AGBL4: variants seen among roughly 807,000 people sequenced by gnomAD.
AGBL4 encodes the protein AGBL carboxypeptidase 4.
Under a neutral mutation model 66.4 loss-of-function variants are expected in AGBL4, and 58 were observed. The observed-to-expected ratio is 0.87, with a 90% CI of 0.71 to 1.09. The LOEUF is 1.09. AGBL4 is among the 50% of genes least tolerant of loss of function. The pLI, the probability that AGBL4 is intolerant of heterozygous loss-of-function variation, is 0.00. For synonymous variants in AGBL4, 234 were observed against 222.9 expected, an observed-to-expected ratio of 1.05 and a Z score of -0.44; for missense variants, 579 against 631.0, an observed-to-expected ratio of 0.92 and a Z score of 0.88.
chr1:49,432,791 G>GT (rs1645815505), intron 3 of AGBL4, among the ~76,000 whole-genome samples: 1 of 152,148 alleles, frequency 6.6e-6, no homozygotes, highest in Admixed American at 6.6e-5. Context: ...CTCAAAAGTT[G>GT]TAAGTGTCTT....
At chr1:49,063,443 T>C (rs1481523793) in intron 4 of AGBL4, among the ~76,000 whole-genome samples, 2 of 152,114 alleles carry the variant, frequency 1.3e-5, no homozygotes, top group African/African-American at 2.4e-5. Context: ...CTGAAGCCTA[T>C]AGAGATAAAT....
intron 5 of AGBL4, among the ~76,000 whole-genome samples, chr1:48,944,397 A>G (rs757844501): frequency 1.3e-5 from 2 of 152,194 alleles, no homozygotes; most frequent in African/African-American, 4.8e-5. Flanking sequence ...CGCAGGCATG[A>G]GCAGGGCAGT....
chr1:48,528,978 C>T (rs1643893011), downstream of AGBL4, among the ~76,000 whole-genome samples: 2 of 151,950 alleles, frequency 1.3e-5, no homozygotes, highest in Admixed American at 1.3e-4. Flanking sequence ...ACTGTCTTCC[C>T]ATTTGTTCAG....
At chr1:48,737,852 G>A (rs1396860081) in intron 6 of AGBL4, among the ~76,000 whole-genome samples, 1 of 152,132 alleles carries the variant, frequency 6.6e-6, no homozygotes, top group Non-Finnish European at 1.5e-5. Context: ...TCTGTGAAGG[G>A]ACGAAATGGC....
In AGBL4 at chr1:49,437,931, C is replaced by G. The variant is rs1023742878; in HGVS notation, c.283-192067G>C. On this transcript the variant is annotated intron_variant, in intron 3 of 13. Transcript: ENST00000371839. ...ATATTTACTTACTGTTTCCCATCCCCCATTTCTAAGAATGTTCACAATTGG... is the reference window on the plus strand; with the variant it reads ...ATATTTACTTACTGTTTCCCATCCCGCATTTCTAAGAATGTTCACAATTGG... Among the ~76,000 whole-genome samples the G allele has an allele frequency of 6.6e-4, 100 of 152,096 alleles. 1 individual carries two copies. The highest frequency in any genetic ancestry group is 2.3e-3 in the African/African-American group (97 of 41,412).
intron 3 of AGBL4, among the ~76,000 whole-genome samples, chr1:49,274,242 T>G (rs1459793289): frequency 6.6e-6 from 1 of 152,222 alleles, no homozygotes; most frequent in Non-Finnish European, 1.5e-5. Flanking sequence ...TTTCAAATTC[T>G]AAATTCAGTC....
At chr1:48,887,902 G>T (rs1483694008) in intron 5 of AGBL4, among the ~76,000 whole-genome samples, 2 of 152,144 alleles carry the variant, frequency 1.3e-5, no homozygotes, top group Non-Finnish European at 2.9e-5. Flanking sequence ...CCTGGCACAG[G>T]GTAGATGATC....
chr1:49,093,924 T>A (rs1645044623), intron 4 of AGBL4, among the ~76,000 whole-genome samples: 1 of 152,182 alleles, frequency 6.6e-6, no homozygotes, highest in African/African-American at 2.4e-5. Flanking sequence ...AGGATAGAGT[T>A]CATCTTTAAA....
At chr1:49,018,732 C>T (rs1663013712) in intron 5 of AGBL4, among the ~76,000 whole-genome samples, 1 of 152,114 alleles carries the variant, frequency 6.6e-6, no homozygotes, top group Admixed American at 6.5e-5. Flanking sequence ...CTCTCTTTTC[C>T]TCACCTACAA....
chr1:49,988,079 T>C (rs758508768), intron 1 of AGBL4, among the ~76,000 whole-genome samples: 11 of 152,190 alleles, frequency 7.2e-5, no homozygotes, highest in Non-Finnish European at 1.5e-4. Flanking sequence ...CTTTGCTATA[T>C]GCATATTTAG....
At chr1:48,836,683 G>A (rs1217754876) in intron 6 of AGBL4, among the ~76,000 whole-genome samples, 5 of 152,058 alleles carry the variant, frequency 3.3e-5, no homozygotes, top group Admixed American at 6.6e-5. Flanking sequence ...ATGATGATAC[G>A]TATAATAATT....
intron 1 of AGBL4, among the ~76,000 whole-genome samples, chr1:49,861,364 A>T (rs1469739261): frequency 4.6e-5 from 7 of 151,980 alleles, no homozygotes; most frequent in African/African-American, 1.7e-4. Flanking sequence ...GTTCCAAAAG[A>T]AACACTTCCT....
chr1:50,023,923 G>T lies in AGBL4; in HGVS notation c.-127C>A. The stretch of plus-strand genomic sequence containing the variant: ...GGCACGACGGTTGCCTGGGCAACGG[G>T]CGGCAGGCGCGCGGGTGGCCGGCGC... On this transcript the variant is annotated 5_prime_UTR_variant, in exon 1 of 14. Coordinates refer to ENST00000371839, the MANE Select transcript of AGBL4 (RefSeq NM_032785.4). The T allele has an allele frequency of 9.0e-7, 1 of 1,106,466 alleles. No individual in the cohort carries two copies. The allele number at this position is 1,106,466 out of a possible 1,614,324, so 68.5% of individuals were successfully genotyped here.
chr1:49,113,235 C>A (rs964318658), intron 4 of AGBL4, among the ~76,000 whole-genome samples: 2 of 152,048 alleles, frequency 1.3e-5, no homozygotes, highest in Non-Finnish European at 2.9e-5. Context: ...CAGGCATGAG[C>A]CACCGCACCC....
At chr1:49,741,736 C>T (rs1650497488) in intron 2 of AGBL4, among the ~76,000 whole-genome samples, 2 of 152,142 alleles carry the variant, frequency 1.3e-5, no homozygotes, top group Admixed American at 1.3e-4. Flanking sequence ...GGATGCAAGG[C>T]TGATTCAACA....
chr1:49,603,967 CACACACA>C (rs1558093697), intron 3 of AGBL4, among the ~76,000 whole-genome samples: 98 of 150,186 alleles, frequency 6.5e-4, no homozygotes, highest in African/African-American at 2.4e-3. Flanking sequence ...CACACACACA[CACACACA>C]CACACACCAC....
chr1:49,970,800 G>A (rs1347016679), intron 1 of AGBL4, among the ~76,000 whole-genome samples: 1 of 149,150 alleles, frequency 6.7e-6, no homozygotes, highest in Non-Finnish European at 1.5e-5. Flanking sequence ...AAATCATCAG[G>A]GAAATGCAAG....
intron 6 of AGBL4, among the ~76,000 whole-genome samples, chr1:48,809,598 G>A (rs1646004361): frequency 1.3e-5 from 2 of 152,138 alleles, no homozygotes; most frequent in Non-Finnish European, 2.9e-5. Context: ...AGGAAGACTG[G>A]AGTCCTGCCT....
intron 3 of AGBL4, among the ~76,000 whole-genome samples, chr1:49,258,205 A>G (rs1652731200): frequency 6.6e-6 from 1 of 152,202 alleles, no homozygotes; most frequent in Non-Finnish European, 1.5e-5. Flanking sequence ...AAAGATGAGG[A>G]AAAAACAGAG....
Sources: gnomAD v4.1 joint callset for allele counts (sites outside exome capture counted in the v4.1 genomes callset) on GRCh38, gnomAD v4.1.1 for gene constraint, MANE v1.5 for transcripts, NCBI Gene and HGNC (gene_info 2026-07-23, HGNC 2026-07-21) for gene names.